Variants in TAS2R1 observed in about 807,000 individuals in gnomAD.
TAS2R1 encodes the protein taste 2 receptor member 1.
For synonymous variants in TAS2R1, 141 were observed against 134.2 expected (o/e 1.05, Z -0.35); for missense variants, 370 against 353.4 (o/e 1.05, Z -0.38).
the TAS2R1 span, among the ~76,000 whole-genome samples, chr5:9,801,680 T>C: frequency 6.6e-6 from 1 of 152,192 alleles, no homozygotes; most frequent in East Asian, 1.9e-4. Context: ...TCAATGCTGT[T>C]GTGGGGCACA....
chr5:9,813,408 A>G, the TAS2R1 span, among the ~76,000 whole-genome samples: 2 of 152,172 alleles, frequency 1.3e-5, no homozygotes, highest in South Asian at 2.1e-4. Context: ...TCATAACTCT[A>G]GAAAAGGATA....
chr5:9,640,497 T>TAAAAAAAAAAA lies in TAS2R1; in HGVS notation c.-80-10516_-80-10506dup, dbSNP rs56140715. 2.7e-4 allele frequency among the ~76,000 whole-genome samples: 16 copies of TAAAAAAAAAAA among 59,028 alleles called. 2 individuals are homozygous for TAAAAAAAAAAA. The highest frequency in any genetic ancestry group is 6.6e-4 in the African/African-American group (8 of 12,096). 38.7% of individuals were successfully genotyped at this position (59,028 alleles called of 152,430 possible). ...GAATTGCCACAAACCTTCAATTCCTTAAAAAAAAAAAAAAAAAAAAAAAAA... is the reference window on the plus strand; with the variant it reads ...GAATTGCCACAAACCTTCAATTCCTTAAAAAAAAAAAAAAAAAAAAAAAAAAAAAAAAAAAA... On this transcript the variant is annotated intron_variant, in intron 2 of 2. Coordinates refer to the TAS2R1 transcript ENST00000506620.
the TAS2R1 span, among the ~76,000 whole-genome samples, chr5:9,722,387 T>A: frequency 1.3e-5 from 2 of 152,260 alleles, no homozygotes; most frequent in African/African-American, 4.8e-5. Context: ...AGATAACTGA[T>A]AAATCTACAT....
At chr5:9,736,157 T>C in the TAS2R1 span, among the ~76,000 whole-genome samples, 30 of 152,162 alleles carry the variant, frequency 2.0e-4, no homozygotes, top group African/African-American at 7.2e-4. Flanking sequence ...TTTACACAGG[T>C]TTTACTGAAA....
the TAS2R1 span, among the ~76,000 whole-genome samples, chr5:9,896,886 T>G: frequency 6.6e-6 from 1 of 152,118 alleles, no homozygotes; most frequent in Non-Finnish European, 1.5e-5. Context: ...CATGACAACT[T>G]TGGGGCTAAG....
Position 9,629,271 on chromosome 5 carries a change from G to C in TAS2R1, c.762C>G (p.Ile254Met). The C allele has an allele frequency of 6.2e-7, 1 of 1,614,078 alleles. No individual in the cohort carries two copies. The highest frequency in any genetic ancestry group is 8.5e-7 in the Non-Finnish European group (1 of 1,180,004). Residue 254 changes from isoleucine (I) to methionine (M), a missense_variant, in exon 1 of 1, where the codon ATC becomes ATG. Transcript: ENST00000382492. Reference sequence around the variant, plus strand: ...TGAAGAACAGAAAGATGAACCTTCTGATGTGAAACTTTAGAGAAGAGAGAA... The same window carrying C: ...TGAAGAACAGAAAGATGAACCTTCTCATGTGAAACTTTAGAGAAGAGAGAA... Reference protein sequence around the residue: ...KVFLSSLKFHIRRFIFLFFIL... With the variant: ...KVFLSSLKFHMRRFIFLFFIL...
the TAS2R1 span, among the ~76,000 whole-genome samples, chr5:9,766,788 A>G: frequency 6.6e-6 from 1 of 152,330 alleles, no homozygotes; most frequent in East Asian, 1.9e-4. Context: ...CCTCTGAACT[A>G]CATGACTGTG....
chr5:9,746,084 C>A, the TAS2R1 span, among the ~76,000 whole-genome samples: 1 of 152,068 alleles, frequency 6.6e-6, no homozygotes, highest in Non-Finnish European at 1.5e-5. Flanking sequence ...AAAAAACCAA[C>A]CCCATCGAAA....
the TAS2R1 span, among the ~76,000 whole-genome samples, chr5:9,793,220 G>A: frequency 6.6e-6 from 1 of 152,276 alleles, no homozygotes; most frequent in East Asian, 1.9e-4. Flanking sequence ...GGAGGGGGAG[G>A]AATTAGGAGG....
chr5:9,784,545 GA>G, the TAS2R1 span, among the ~76,000 whole-genome samples: 7 of 152,246 alleles, frequency 4.6e-5, no homozygotes, highest in Non-Finnish European at 1.0e-4. Flanking sequence ...TAAGAATCAT[GA>G]AAAGGTCTCA....
chr5:9,887,037 C>T, the TAS2R1 span, among the ~76,000 whole-genome samples: 2 of 152,216 alleles, frequency 1.3e-5, no homozygotes, highest in African/African-American at 4.8e-5. Flanking sequence ...AATGGAATTG[C>T]TGGAGCATAA....
chr5:9,837,896 G>A, the TAS2R1 span, among the ~76,000 whole-genome samples: 1 of 152,180 alleles, frequency 6.6e-6, no homozygotes, highest in South Asian at 2.1e-4. Context: ...CATTAGATAG[G>A]CACTGAATGG....
At chr5:9,847,902 C>T in the TAS2R1 span, among the ~76,000 whole-genome samples, 4 of 152,234 alleles carry the variant, frequency 2.6e-5, no homozygotes, top group East Asian at 1.9e-4. Context: ...GTGTGGTCCC[C>T]GGACCAGTGA....
At chr5:9,856,985 T>C in the TAS2R1 span, among the ~76,000 whole-genome samples, 1 of 152,164 alleles carries the variant, frequency 6.6e-6, no homozygotes, top group Non-Finnish European at 1.5e-5. Context: ...TTTGGCTCAA[T>C]GGGGATAGAA....
chr5:9,829,014 G>A, the TAS2R1 span, among the ~76,000 whole-genome samples: 1 of 152,158 alleles, frequency 6.6e-6, no homozygotes, highest in Admixed American at 6.5e-5. Context: ...CCAGTGCTGT[G>A]TTATGAATAC....
chr5:9,814,299 G>A, the TAS2R1 span, among the ~76,000 whole-genome samples: 1 of 150,232 alleles, frequency 6.7e-6, no homozygotes, highest in Non-Finnish European at 1.5e-5. Context: ...CTAAATCAAT[G>A]GAAAGTGAAA....
chr5:9,681,877 C>T (rs549110548), intron 1 of TAS2R1, among the ~76,000 whole-genome samples: 2 of 152,232 alleles, frequency 1.3e-5, no homozygotes, highest in African/African-American at 4.8e-5. Flanking sequence ...AACAAGATCT[C>T]CAGATTATTT....
the TAS2R1 span, among the ~76,000 whole-genome samples, chr5:9,724,694 A>C: frequency 6.6e-6 from 1 of 152,132 alleles, no homozygotes; most frequent in Non-Finnish European, 1.5e-5. Context: ...TCATTTCTTC[A>C]ACAAATATGA....
intron 2 of TAS2R1, among the ~76,000 whole-genome samples, chr5:9,640,369 T>TA (rs762732225): frequency 4.6e-5 from 7 of 150,688 alleles, no homozygotes; most frequent in Non-Finnish European, 1.0e-4. Context: ...ACAAAAATAA[T>TA]AAAAAAAGCT....
Sources: allele counts gnomAD v4.1 joint callset (sites outside exome capture counted in the v4.1 genomes callset), GRCh38; gene constraint gnomAD v4.1.1; transcripts MANE v1.5; gene names NCBI Gene and HGNC (gene_info 2026-07-23, HGNC 2026-07-21).